The following ZNF385C variants were observed in gnomAD, a reference collection of about 807,000 sequenced individuals.
The protein encoded by ZNF385C is zinc finger protein 385C.
In ZNF385C, 28 loss-of-function variants were observed where a neutral mutation model predicts 35.4. That is an observed-to-expected ratio of 0.79 (90% CI 0.59 to 1.08). The LOEUF is 1.08. ZNF385C is among the 50% of genes least tolerant of loss of function. The pLI is 0.00. For synonymous variants in ZNF385C, 248 were observed against 248.2 expected (o/e 1.00, Z 0.01); for missense variants, 605 against 595.6 (o/e 1.02, Z -0.16).
chr17:42,096,169 T>A lies in ZNF385C; in HGVS notation c.-3+2241A>T, dbSNP rs888144073. ...GCATGTATAAGGACACCCAGCCTCA[T>A]GTCCTTGCTCCATCCACAGCCCCTG... On this transcript the variant is annotated intron_variant, in intron 1 of 8. Transcript: ENST00000692273. 7.2e-5 allele frequency among the ~76,000 whole-genome samples: 11 copies of A among 152,186 alleles called. No homozygotes were observed. In the South Asian group the frequency reaches 1.0e-3, roughly 14 times the overall value.
At position 42,028,866 on chromosome 17, in the gene ZNF385C, C is replaced by G. The variant is rs1555654647; in HGVS notation, c.884G>C (p.Gly295Ala). The change falls in exon 6 of 9, where the codon GGC (glycine) becomes GCC (alanine). Residue 295 changes from glycine to alanine, a missense_variant. Physicochemically the swap from Gly to Ala is moderately conservative, Grantham distance 60. Coordinates refer to ENST00000692273, the MANE Select transcript of ZNF385C (RefSeq NM_001392013.1). ...AAVGSSMSGE[G>A]RSEKGHLYCP... ...GTAGAGGTGCCCCTTCTCACTCCTG[C>G]CTTCCCCACTCATGCTGCTTCCCAC... is the stretch of plus-strand genomic sequence containing the variant. 1.9e-6 allele frequency: 3 copies of G among 1,550,528 alleles called. No individual in the cohort carries two copies. In the African/African-American group the frequency reaches 4.1e-5, roughly 21 times the overall value.
At position 42,026,128 on chromosome 17, in the gene ZNF385C, A is replaced by G. The variant is rs1171532645; in HGVS notation, c.*769T>C. The G allele has an allele frequency of 2.0e-5, 3 of 152,204 alleles. No homozygotes were observed. Among genetic ancestry groups the G allele is most frequent in the African/African-American group, 7.2e-5 (3 of 41,412 alleles). 9.4% of individuals were successfully genotyped at this position (152,204 alleles called of 1,614,324 possible). A position where few individuals can be genotyped will look rare whatever the true frequency, so the allele number is the denominator to read the frequency against. ...CAAGTATCACTTGAACCAGGGAGGC[A>G]GAGGCTGCATGCAGTGAGCCAAGAT... is the stretch of plus-strand genomic sequence containing the variant. On this transcript the variant is annotated 3_prime_UTR_variant, in exon 9 of 9. Coordinates refer to ENST00000692273, the MANE Select transcript of ZNF385C (RefSeq NM_001392013.1).
chr17:42,085,121 A>AC (rs2053792830), intron 1 of ZNF385C, among the ~76,000 whole-genome samples: 1 of 152,030 alleles, frequency 6.6e-6, no homozygotes, highest in Admixed American at 6.6e-5. Context: ...ACATGGTGAA[A>AC]CCCCGTCTCT....
At chr17:42,041,808 G>A (rs1256535104) in intron 2 of ZNF385C, among the ~76,000 whole-genome samples, 2 of 152,108 alleles carry the variant, frequency 1.3e-5, no homozygotes, top group Non-Finnish European at 2.9e-5. Context: ...TACACAGTTA[G>A]TACCTAGGAC....
chr17:42,079,344 C>G (rs1194090848), intron 1 of ZNF385C, among the ~76,000 whole-genome samples: 1 of 143,952 alleles, frequency 6.9e-6, no homozygotes, highest in Non-Finnish European at 1.5e-5. Context: ...ATGATCATGC[C>G]ACTGCACTCC....
chr17:42,037,720 G>T lies in ZNF385C; in HGVS notation c.399+17C>A. The T allele has an allele frequency of 6.6e-7, 1 of 1,504,518 alleles. No individual in the cohort carries two copies. The highest frequency in any genetic ancestry group is 8.9e-7 in the Non-Finnish European group (1 of 1,125,338). The allele number at this position is 1,504,518 out of a possible 1,614,324, so 93.2% of individuals were successfully genotyped here. The stretch of plus-strand genomic sequence containing the variant: ...CAAGCTTGTGTGCATGCCCCCACCC[G>T]CCAGCCCAGCCCATACCGTGCTGAA... On this transcript the variant is annotated intron_variant, in intron 3 of 8. Transcript: ENST00000692273.
At chr17:42,070,705 T>A (rs1357634485) in intron 1 of ZNF385C, among the ~76,000 whole-genome samples, 8 of 152,130 alleles carry the variant, frequency 5.3e-5, no homozygotes, top group African/African-American at 1.9e-4. Context: ...GCAGGCCCCA[T>A]CCCAGTCATT....
intron 3 of ZNF385C, among the ~76,000 whole-genome samples, chr17:42,035,666 C>T (rs981760283): frequency 9.9e-5 from 15 of 151,190 alleles, no homozygotes; most frequent in African/African-American, 3.2e-4. Flanking sequence ...ATTCTGCTGC[C>T]TCAGCCTCCC....
chr17:42,037,945 C>T, intron 2 of ZNF385C, 60 bp from the exon 3 acceptor site: 1 of 1,546,076 alleles, frequency 6.5e-7, no homozygotes, highest in Non-Finnish European at 8.7e-7. Flanking sequence ...GTGGCCAGAA[C>T]AAGAGGCGGG....
intron 2 of ZNF385C, among the ~76,000 whole-genome samples, chr17:42,058,905 C>T (rs1425943076): frequency 1.3e-5 from 2 of 152,244 alleles, no homozygotes; most frequent in Non-Finnish European, 2.9e-5. Flanking sequence ...GATCCACCCG[C>T]CTCGGCCTCC....
Position 42,037,765 on chromosome 17 carries a change from G to A in ZNF385C, c.371C>T (p.Pro124Leu), listed in dbSNP as rs1555655626. The change falls in exon 3 of 9, where the codon CCG becomes CTG. Residue 124 changes from proline to leucine, a missense_variant. By Grantham distance (98) the Pro-to-Leu change is moderately conservative. Coordinates refer to ENST00000692273, the MANE Select transcript of ZNF385C (RefSeq NM_001392013.1). ...GCTGAAGTTGGGGAAGAGACTGAGCGGGGCAGCGCCATTGAAGTGGAAGGC... is the reference window on the plus strand; with the variant it reads ...GCTGAAGTTGGGGAAGAGACTGAGCAGGGCAGCGCCATTGAAGTGGAAGGC... ...LLAFHFNGAA[P>L]LSLFPNFSTM... 2.2e-5 allele frequency: 34 copies of A among 1,535,724 alleles called. No individual in the cohort carries two copies. Among genetic ancestry groups the A allele is most frequent in the South Asian group, 6.1e-5 (5 of 81,998 alleles).
At position 42,028,957 on chromosome 17, in the gene ZNF385C, A is replaced by G. The variant is rs1470746930; in HGVS notation, c.793T>C (p.Ser265Pro). ...GGCTCTGGGGAGCAAGGTGGGCAGG[A>G]GGAAGAAGAGGATGAGGAGGCAGCA... Reference protein sequence around the residue: ...LDAASSSSSSSCPPCSPEPGR... With the variant: ...LDAASSSSSSPCPPCSPEPGR... Residue 265 changes from serine to proline, a missense_variant, in exon 6 of 9, where the codon TCC becomes CCC. Coordinates refer to ENST00000692273, the MANE Select transcript of ZNF385C (RefSeq NM_001392013.1). The G allele has an allele frequency of 6.4e-7, 1 of 1,550,466 alleles. No homozygotes were observed. Among genetic ancestry groups the G allele is most frequent in the Non-Finnish European group, 8.7e-7 (1 of 1,147,006 alleles).
At chr17:42,083,277 A>C (rs1555659870) in intron 1 of ZNF385C, among the ~76,000 whole-genome samples, 1 of 149,492 alleles carries the variant, frequency 6.7e-6, no homozygotes, top group Non-Finnish European at 1.5e-5. Flanking sequence ...ATCCCAGCTC[A>C]CTGCAAGCTC....
At chr17:42,037,092 C>G (rs117656491) in intron 3 of ZNF385C, among the ~76,000 whole-genome samples, 2 of 152,024 alleles carry the variant, frequency 1.3e-5, no homozygotes, top group African/African-American at 4.8e-5. Context: ...CTCAGACAAG[C>G]AGAACAATTC....
intron 1 of ZNF385C, among the ~76,000 whole-genome samples, chr17:42,072,798 G>C (rs2053643929): frequency 6.6e-6 from 1 of 152,136 alleles, no homozygotes; most frequent in Admixed American, 6.5e-5. Flanking sequence ...AGGAAGAGAG[G>C]GGAGACTCGG....
At chr17:42,037,972 G>A (rs1555655666) in intron 2 of ZNF385C, 87 bp from the exon 3 acceptor site, 2 of 1,541,784 alleles carry the variant, frequency 1.3e-6, no homozygotes, top group East Asian at 2.4e-5. Context: ...TCTTGGGTGT[G>A]GAGCTGGGCA....
At chr17:42,038,037 G>A in intron 2 of ZNF385C, 152 bp from the exon 3 acceptor site, 5 of 1,535,858 alleles carry the variant, frequency 3.3e-6, no homozygotes, top group Non-Finnish European at 4.4e-6. Context: ...AGTGATTATA[G>A]CCCCCTTCTC....
rs998402849 is a variant in ZNF385C at position 42,025,604 on chromosome 17, T to A, written c.*1293A>T. On this transcript the variant is annotated 3_prime_UTR_variant, in exon 9 of 9. Transcript: ENST00000692273. Reference sequence around the variant, plus strand: ...GGCTTCAAGTTCATTTATTGATGCATTGGTTGGACACAATAAAACCACAAT... The same window carrying A: ...GGCTTCAAGTTCATTTATTGATGCAATGGTTGGACACAATAAAACCACAAT... The A allele has an allele frequency of 6.6e-6, 1 of 152,416 alleles. No homozygotes were observed. The highest frequency in any genetic ancestry group is 1.5e-5 in the Non-Finnish European group (1 of 67,990). 9.4% of individuals were successfully genotyped at this position (152,416 alleles called of 1,614,324 possible). A position where few individuals can be genotyped will look rare whatever the true frequency, so the allele number is the denominator to read the frequency against.
chr17:42,096,755 T>A (rs1555660984), intron 1 of ZNF385C, among the ~76,000 whole-genome samples: 3 of 152,028 alleles, frequency 2.0e-5, no homozygotes, highest in Non-Finnish European at 4.4e-5. Context: ...ACAGCCCAAG[T>A]GAGCTCCTGC....
Sources: allele counts gnomAD v4.1 joint callset (sites outside exome capture counted in the v4.1 genomes callset), GRCh38; gene constraint gnomAD v4.1.1; transcripts MANE v1.5; gene names NCBI Gene and HGNC (gene_info 2026-07-23, HGNC 2026-07-21).